Variants in INO80 observed in about 807,000 individuals in gnomAD.
The protein encoded by INO80 is chromatin-remodeling ATPase INO80.
Under a neutral mutation model 203.4 loss-of-function variants are expected in INO80, and 20 were observed. The observed-to-expected ratio is 0.10, with a 90% CI of 0.07 to 0.14. INO80 has a LOEUF of 0.14. Ranked by LOEUF, INO80 falls within the 10% of genes least tolerant of loss-of-function variation. INO80 has a pLI of 1.00. For synonymous variants in INO80, 726 were observed against 685.2 expected, an observed-to-expected ratio of 1.06 and a Z score of -0.93; for missense variants, 1,419 against 1,914.4, an observed-to-expected ratio of 0.74 and a Z score of 4.83.
At chr15:41,060,690 T>A (rs2140560228) in intron 14 of INO80, among the ~76,000 whole-genome samples, 1 of 152,254 alleles carries the variant, frequency 6.6e-6, no homozygotes, top group East Asian at 1.9e-4. Context: ...TAACAGTAAA[T>A]CATACATAGA....
chr15:41,104,968 A>G (rs1463907914), intron 1 of INO80, among the ~76,000 whole-genome samples: 3 of 152,322 alleles, frequency 2.0e-5, no homozygotes, highest in Admixed American at 6.5e-5. Flanking sequence ...GTGGGTAGTA[A>G]CAGACAAGTT....
intron 12 of INO80, among the ~76,000 whole-genome samples, chr15:41,071,070 G>A (rs1366376696): frequency 1.3e-5 from 2 of 152,160 alleles, no homozygotes; most frequent in Non-Finnish European, 2.9e-5. Flanking sequence ...TCTGGGGGCT[G>A]AGGCAGGAGG....
Position 41,085,444 on chromosome 15 carries a change from C to A in INO80, c.798G>T (p.Lys266Asn). 6.2e-7 allele frequency: 1 copy of A among 1,614,160 alleles called. No individual in the cohort carries two copies. Among genetic ancestry groups the A allele is most frequent in the Non-Finnish European group, 8.5e-7 (1 of 1,180,032 alleles). The change falls in exon 7 of 36, where the codon AAG (lysine) becomes AAT (asparagine). Residue 266 changes from lysine (K) to asparagine (N), a missense_variant. By Grantham distance (94) the Lys-to-Asn change is moderately conservative. Around this residue, in one of 9 missense-constraint regions of INO80, gnomAD observed 323 missense variants for 325.4 expected, o/e 0.99. Transcript: ENST00000648947. ...HDAPPPGTKKKHLSIEQLNAR... is the reference protein window; with the variant it reads ...HDAPPPGTKKNHLSIEQLNAR... ...CATTCAGCTGCTCAATGGATAAGTG[C>A]TTTTTCTTAGTGCCAGGGGGAGGTG...
chr15:41,090,385 G>A (rs1055383172), intron 5 of INO80, among the ~76,000 whole-genome samples: 2 of 151,946 alleles, frequency 1.3e-5, no homozygotes, highest in African/African-American at 2.4e-5. Flanking sequence ...AGACCAACCT[G>A]GCCAACATGG....
At chr15:41,096,417 C>G (rs2045724860) in intron 1 of INO80, 64 bp from the exon 2 acceptor site, 2 of 1,195,964 alleles carry the variant, frequency 1.7e-6, no homozygotes, top group Non-Finnish European at 2.2e-6. Context: ...CTCTTGCCTG[C>G]TTGTTCCCAA....
At chr15:41,007,881 G>T (rs1028419856) in intron 27 of INO80, among the ~76,000 whole-genome samples, 1 of 152,098 alleles carries the variant, frequency 6.6e-6, no homozygotes, top group Non-Finnish European at 1.5e-5. Flanking sequence ...TTGGGGCCAG[G>T]TATGGTGGTT....
intron 26 of INO80, chr15:41,017,959 C>T (rs2044235699): frequency 6.6e-6 from 1 of 152,186 alleles, no homozygotes; most frequent in Non-Finnish European, 1.5e-5. Flanking sequence ...GAGCAGGCAG[C>T]AAAGCTTTCA....
At chr15:41,091,628 A>G (rs1224172836) in intron 5 of INO80, among the ~76,000 whole-genome samples, 2 of 146,298 alleles carry the variant, frequency 1.4e-5, no homozygotes, top group African/African-American at 5.1e-5. Flanking sequence ...AATGATTTCC[A>G]GCTCCATAAA....
intron 31 of INO80, among the ~76,000 whole-genome samples, chr15:40,986,377 T>C (rs145864963): frequency 1.4e-4 from 20 of 141,230 alleles, no homozygotes; most frequent in Non-Finnish European, 2.0e-4. Context: ...CAGGCTGGAG[T>C]GCAATGGCAC....
chr15:41,036,948 C>T (rs912338614), intron 24 of INO80, among the ~76,000 whole-genome samples: 5 of 151,898 alleles, frequency 3.3e-5, no homozygotes, highest in Non-Finnish European at 7.4e-5. Context: ...ACTAAAAATA[C>T]GAAAATTAGC....
intron 19 of INO80, among the ~76,000 whole-genome samples, chr15:41,053,475 T>C (rs1378773079): frequency 6.6e-6 from 1 of 152,190 alleles, no homozygotes; most frequent in Non-Finnish European, 1.5e-5. Context: ...ACTGACTAGA[T>C]ACGTGATGCT....
chr15:41,053,759 T>C (rs1160462370), intron 19 of INO80, among the ~76,000 whole-genome samples, 170 bp downstream of exon 19: 1 of 152,196 alleles, frequency 6.6e-6, no homozygotes, highest in African/African-American at 2.4e-5. Flanking sequence ...GAAAAAAAGA[T>C]GTTATTTTCC....
rs543378605 is a variant in INO80, at chr15:41,081,084, T to G, written c.874-11A>C. On this transcript the variant is annotated splice_polypyrimidine_tract_variant and intron_variant, in intron 7 of 35. Transcript: ENST00000648947. ...TTTCTGCTTATTTGCCTAAAATATT[T>G]AAAAAACAATATTTCATTTAGGATT... 6.6e-7 allele frequency: 1 copy of G among 1,521,280 alleles called. No individual in the cohort carries two copies. The allele number at this position is 1,521,280 out of a possible 1,614,324, so 94.2% of individuals were successfully genotyped here.
intron 25 of INO80, 25 bp downstream of exon 25, chr15:41,027,571 A>G: frequency 1.3e-6 from 2 of 1,563,738 alleles, no homozygotes; most frequent in Non-Finnish European, 8.7e-7. Flanking sequence ...CATCTATTTC[A>G]TCTCTTCCCT....
Position 41,049,931 on chromosome 15 carries a change from T to A in INO80, c.2442+4A>T, listed in dbSNP as rs2140530148. On this transcript the variant is annotated splice_donor_region_variant and intron_variant, in intron 20 of 35. Transcript: ENST00000648947. ...ACTTCAAGGGAACTGACGTAAGCTC[T>A]TACCTTCCTAAACTGCATGACCAGA... The A allele has an allele frequency of 6.2e-7, 1 of 1,608,070 alleles. No individual in the cohort carries two copies. Among genetic ancestry groups the A allele is most frequent in the South Asian group, 1.1e-5 (1 of 90,680 alleles).
chr15:41,006,078 G>T (rs530182688), intron 27 of INO80, among the ~76,000 whole-genome samples: 2 of 150,756 alleles, frequency 1.3e-5, no homozygotes, highest in Admixed American at 1.3e-4. Context: ...TCACTGAAAC[G>T]AATGTGTTTC....
At chr15:41,096,876 T>C (rs1403806922) in intron 1 of INO80, among the ~76,000 whole-genome samples, 3 of 152,256 alleles carry the variant, frequency 2.0e-5, no homozygotes, top group Non-Finnish European at 4.4e-5. Context: ...AGTATTTTAC[T>C]ATCCTTTGTA....
chr15:41,012,292 C>G (rs772626419), intron 27 of INO80, among the ~76,000 whole-genome samples: 2 of 152,106 alleles, frequency 1.3e-5, no homozygotes, highest in South Asian at 2.1e-4. Flanking sequence ...GGTGGCCAGG[C>G]GTGGTGGCTC....
rs1177124554 is a variant in INO80, at chr15:41,016,155, C to T, written c.3335G>A (p.Arg1112Gln). 6.2e-7 allele frequency: 1 copy of T among 1,613,302 alleles called. No homozygotes were observed. Among genetic ancestry groups the T allele is most frequent in the Non-Finnish European group, 8.5e-7 (1 of 1,179,476 alleles). Residue 1112 changes from arginine to glutamine, a missense_variant, in exon 27 of 36, where the codon CGG (arginine) becomes CAG (glutamine). Transcript: ENST00000648947. ...KLYALDVLLT[R>Q]LKSQGHRVLI... ...GACCCTATGCCCTTGAGACTTGAGC[C>T]GAGTCAGCAGGACATCAAGGGCATA...
Sources: gnomAD v4.1 joint callset for allele counts (sites outside exome capture counted in the v4.1 genomes callset) on GRCh38, gnomAD v4.1.1 for gene constraint, gnomAD v4.1.1 regional missense constraint, MANE v1.5 for transcripts, NCBI Gene and HGNC (gene_info 2026-07-23, HGNC 2026-07-21) for gene names.